Variants in ELFN2 observed in about 807,000 individuals in gnomAD.
ELFN2 encodes the protein extracellular leucine rich repeat and fibronectin type III domain containing 2.
Under a neutral mutation model 45.5 loss-of-function variants are expected in ELFN2, and 17 were observed. The observed-to-expected ratio is 0.37, with a 90% confidence interval of 0.26 to 0.56. The LOEUF is 0.56. Among genes scored for constraint, ELFN2 ranks in the 20% least tolerant of loss-of-function variants. ELFN2 has a pLI of 0.77. For missense variants in ELFN2, 922 were observed against 1,183.2 expected, an observed-to-expected ratio of 0.78 and a Z score of 3.24; for synonymous variants, 550 against 551.5, an observed-to-expected ratio of 1.00 and a Z score of 0.04.
At position 37,372,410 on chromosome 22, in the gene ELFN2, G is replaced by T. The variant is rs1351086887; in HGVS notation, c.*662C>A. On this transcript the variant is annotated 3_prime_UTR_variant, in exon 3 of 3. Transcript: ENST00000402918. The surrounding 1 kb of genome is among the most constrained non-coding windows in gnomAD (Gnocchi z 4.4). ...AGGGACCACAGCTTCGGAAAGGGAT[G>T]TGGGGTGGGCACAGGGCGGGCAGGG... The T allele has an allele frequency of 1.3e-5, 2 of 152,430 alleles. No homozygotes were observed. Among genetic ancestry groups the T allele is most frequent in the African/African-American group, 4.8e-5 (2 of 41,406 alleles). The allele number at this position is 152,430 out of a possible 1,614,324, so 9.4% of individuals were successfully genotyped here.
At chr22:37,412,881 G>A (rs752526815) in intron 2 of ELFN2, among the ~76,000 whole-genome samples, 5 of 152,264 alleles carry the variant, frequency 3.3e-5, no homozygotes, top group Middle Eastern at 3.4e-3. Context: ...CTTCCTCCCC[G>A]GGTGACCCAG....
rs1327735208 is a variant in ELFN2 at position 37,349,911 on chromosome 22, GGACA to G, written n.149-7212_149-7209del. ...AGGCCCAAAAGCCAGCGTTCCCTGA[GGACA>G]GTCAAGAGGTAAGTGGGCACGAGGC... On this transcript the variant is annotated intron_variant and non_coding_transcript_variant, in intron 1 of 2. Transcript: ENST00000452946. Among the ~76,000 whole-genome samples, 17 of 151,214 alleles carry G rather than the reference GGACA, an allele frequency of 1.1e-4. 1 individual carries two copies. Among genetic ancestry groups the G allele is most frequent in the Non-Finnish European group, 1.9e-4 (13 of 67,414 alleles).
intron 2 of ELFN2, among the ~76,000 whole-genome samples, chr22:37,391,957 C>A (rs760344725): frequency 1.3e-5 from 2 of 152,208 alleles, no homozygotes; most frequent in Admixed American, 6.5e-5. Flanking sequence ...CCCCTCAGAG[C>A]CTCAGTTTCC....
At chr22:37,354,552 C>T (rs1231977528) in intron 1 of ELFN2, 1 of 152,174 alleles carries the variant, frequency 6.6e-6, no homozygotes, top group Non-Finnish European at 1.5e-5. Flanking sequence ...GAAACACACA[C>T]ACACACAACC....
chr22:37,392,103 C>T (rs1932099543), intron 2 of ELFN2, among the ~76,000 whole-genome samples: 1 of 152,180 alleles, frequency 6.6e-6, no homozygotes, highest in South Asian at 2.1e-4. Flanking sequence ...GCAACAGAAG[C>T]ACCGTCCATC....
At chr22:37,351,265 ACTCCT>A in intron 1 of ELFN2, among the ~76,000 whole-genome samples, 1 of 136,390 alleles carries the variant, frequency 7.3e-6, no homozygotes, top group Non-Finnish European at 1.6e-5. Flanking sequence ...CTAGTCCCTC[ACTCCT>A]CTCCTCTCCT....
intron 1 of ELFN2, among the ~76,000 whole-genome samples, chr22:37,347,259 G>A (rs1036379253): frequency 6.6e-6 from 1 of 152,236 alleles, no homozygotes; most frequent in African/African-American, 2.4e-5. Context: ...GATTACAGGT[G>A]TGAGCCACCA....
chr22:37,355,050 G>A lies in ELFN2; in HGVS notation n.149-12347C>T, dbSNP rs577719283. Among the ~76,000 whole-genome samples, 7 of 152,278 alleles carry A rather than the reference G, an allele frequency of 4.6e-5. No individual in the cohort carries two copies. The East Asian group carries it at 7.7e-4, about 17-fold the overall frequency. ...TTGAGAACAGATGACATCTCTCGTC[G>A]CTGGTTCCTTTTCAGGACGGGAGGA... On this transcript the variant is annotated intron_variant and non_coding_transcript_variant, in intron 1 of 2. Transcript: ENST00000452946.
intron 2 of ELFN2, among the ~76,000 whole-genome samples, chr22:37,387,325 G>A (rs1931975764): frequency 6.6e-6 from 1 of 152,152 alleles, no homozygotes; most frequent in South Asian, 2.1e-4. Context: ...GACAGCTGTG[G>A]TCCTTTGAAA....
At chr22:37,377,427 C>T (rs1353703708) in intron 2 of ELFN2, among the ~76,000 whole-genome samples, 1 of 152,238 alleles carries the variant, frequency 6.6e-6, no homozygotes, top group Non-Finnish European at 1.5e-5. Context: ...ACAAGAGCCA[C>T]CTCTGCCTCT....
In ELFN2 at chr22:37,376,393, G is replaced by A. The variant is rs559301818; in HGVS notation, c.-462-397C>T. On this transcript the variant is annotated intron_variant, in intron 2 of 2. Coordinates refer to ENST00000402918, the MANE Select transcript of ELFN2 (RefSeq NM_052906.5). ...AGCCAGACCTCCATGGCATGCACAC[G>A]CAGACAGCTACACACACACACACAC... 3.9e-4 allele frequency among the ~76,000 whole-genome samples: 50 copies of A among 129,700 alleles called. 1 individual carries two copies. The highest frequency in any genetic ancestry group is 3.0e-3 in the East Asian group (14 of 4,638). The allele number at this position is 129,700 out of a possible 152,430, so 85.1% of individuals were successfully genotyped here.
intron 2 of ELFN2, among the ~76,000 whole-genome samples, chr22:37,407,312 C>T (rs544165742): frequency 1.3e-5 from 2 of 152,292 alleles, no homozygotes; most frequent in East Asian, 3.9e-4. Context: ...TCATTTCAGA[C>T]GTGACCACAG....
At chr22:37,398,395 C>A (rs989765408) in intron 2 of ELFN2, among the ~76,000 whole-genome samples, 8 of 152,080 alleles carry the variant, frequency 5.3e-5, no homozygotes, top group African/African-American at 1.9e-4. Context: ...AGAAAGCAAA[C>A]CTCTCACCCT....
At chr22:37,395,660 G>C (rs1346898414) in intron 2 of ELFN2, among the ~76,000 whole-genome samples, 2 of 152,164 alleles carry the variant, frequency 1.3e-5, no homozygotes, top group Admixed American at 1.3e-4. Flanking sequence ...TCACCCACGG[G>C]GGGCAGGGGA....
chr22:37,399,428 CCT>C (rs1932304964), intron 2 of ELFN2, among the ~76,000 whole-genome samples: 1 of 152,146 alleles, frequency 6.6e-6, no homozygotes, highest in African/African-American at 2.4e-5. Flanking sequence ...CTGTGCCACC[CCT>C]GAGTGCCTGG....
At chr22:37,357,731 T>C (rs1437068965) in intron 1 of ELFN2, among the ~76,000 whole-genome samples, 1 of 152,078 alleles carries the variant, frequency 6.6e-6, no homozygotes, top group Non-Finnish European at 1.5e-5. Context: ...CCCCCTAGAG[T>C]GCTAACAACT....
In ELFN2 at chr22:37,374,217, C is replaced by T; in HGVS notation, c.1318G>A (p.Glu440Lys). 6.2e-7 allele frequency: 1 copy of T among 1,613,906 alleles called. No homozygotes were observed. The change falls in exon 3 of 3, where the codon GAG becomes AAG. Residue 440 changes from glutamate (E) to lysine (K), a missense_variant. Glu to Lys is a moderately conservative substitution (Grantham distance 56). Around this residue, in one of 2 missense-constraint regions of ELFN2, gnomAD observed 564 missense variants for 642.8 expected, o/e 0.88. Transcript: ENST00000402918. Reference protein sequence around the residue: ...KSVNVKKTILEMRYGADVDAG... With the variant: ...KSVNVKKTILKMRYGADVDAG... ...TCCACATCAGCCCCGTAGCGCATCT[C>T]CAGGATGGTCTTCTTGACGTTGACA...
At chr22:37,349,331 C>T (rs773973908) in intron 1 of ELFN2, among the ~76,000 whole-genome samples, 4 of 151,188 alleles carry the variant, frequency 2.6e-5, no homozygotes, top group African/African-American at 7.2e-5. Context: ...AGAAGAGAGG[C>T]ACCCGTGCAC....
At chr22:37,365,501 G>C (rs1165089830), downstream of ELFN2, among the ~76,000 whole-genome samples, 1 of 152,178 alleles carries the variant, frequency 6.6e-6, no homozygotes, top group African/African-American at 2.4e-5. Flanking sequence ...AAGCCTGCCC[G>C]GGCTGGAGAG....
Sources: allele counts gnomAD v4.1 joint callset (sites outside exome capture counted in the v4.1 genomes callset), GRCh38; gene constraint gnomAD v4.1.1; regional missense constraint gnomAD v4.1.1; non-coding constraint Gnocchi (gnomAD v3.1); transcripts MANE v1.5; gene names NCBI Gene and HGNC (gene_info 2026-07-23, HGNC 2026-07-21).